The following MICB variants were observed in gnomAD, a reference collection of about 807,000 sequenced individuals.
The protein encoded by MICB is MHC class I antigen-related protein B.
MICB carries 27 observed loss-of-function variants against 34.3 expected under a neutral mutation model. That is an observed-to-expected ratio of 0.79 (90% CI 0.58 to 1.08). MICB has a LOEUF of 1.08. Among genes scored for constraint, MICB ranks in the 50% least tolerant of loss-of-function variants. The probability of loss-of-function intolerance (pLI) is 0.00; values close to 1 mark genes in which losing one functional copy is unlikely to be tolerated. For synonymous variants in MICB, 153 were observed against 187.4 expected (o/e 0.82, Z 1.50); for missense variants, 426 against 483.1 (o/e 0.88, Z 1.11).
chr6:31,498,103 G>C (rs1764767177), upstream of MICB: 2 of 1,066,852 alleles, frequency 1.9e-6, no homozygotes, highest in Non-Finnish European at 2.7e-6. Flanking sequence ...GCTGAGCGGG[G>C]CGCAGGTGAC....
At position 31,510,159 on chromosome 6, in the gene MICB, G is replaced by A; in HGVS notation, c.*250G>A. ...AGCAAATTGTTTATCATGAATGCAG[G>A]ATGTGGGCAAACTCACGACTGCTCC... On this transcript the variant is annotated 3_prime_UTR_variant, in exon 6 of 6. Coordinates refer to ENST00000252229, the MANE Select transcript of MICB (RefSeq NM_005931.5). The A allele has an allele frequency of 2.6e-6, 1 of 389,880 alleles. No individual in the cohort carries two copies. Among genetic ancestry groups the A allele is most frequent in the East Asian group, 4.2e-5 (1 of 23,642 alleles). The allele number at this position is 389,880 out of a possible 1,614,324, so 24.2% of individuals were successfully genotyped here. A position where few individuals can be genotyped will look rare whatever the true frequency, so the allele number is the denominator to read the frequency against.
rs1765576558 is a variant in MICB at position 31,509,923 on chromosome 6, G to A, written c.*14G>A. ...GAGGGCACCTAGACTCTACAGCCAG[G>A]CGGCCAGGATTCAACTCCCTGCCTG... On this transcript the variant is annotated 3_prime_UTR_variant, in exon 6 of 6. Coordinates refer to ENST00000252229, the MANE Select transcript of MICB (RefSeq NM_005931.5). The A allele has an allele frequency of 6.3e-7, 1 of 1,587,382 alleles. No individual in the cohort carries two copies. The highest frequency in any genetic ancestry group is 8.6e-7 in the Non-Finnish European group (1 of 1,166,686).
At chr6:31,509,051 G>A (rs1049792177) in intron 5 of MICB, among the ~76,000 whole-genome samples, 2 of 152,166 alleles carry the variant, frequency 1.3e-5, no homozygotes, top group Non-Finnish European at 2.9e-5. Flanking sequence ...GAGCAGGAAG[G>A]CCTCACAGCC....
intron 3 of MICB, 30 bp from the exon 4 acceptor site, chr6:31,506,992 G>A: frequency 6.3e-7 from 1 of 1,599,458 alleles, no homozygotes. Flanking sequence ...GGGGAGCAGG[G>A]CTTCACTGGC....
At chr6:31,506,587 G>A (rs1765344549) in intron 3 of MICB, among the ~76,000 whole-genome samples, 157 bp downstream of exon 3, 1 of 152,218 alleles carries the variant, frequency 6.6e-6, no homozygotes, top group African/African-American at 2.4e-5. Flanking sequence ...AGAGCCATTG[G>A]ATAAAGACAG....
intron 1 of MICB, 25 bp downstream of exon 1, chr6:31,498,288 C>G (rs749544846): frequency 6.5e-5 from 100 of 1,526,950 alleles, no homozygotes; most frequent in Non-Finnish European, 8.0e-5. Flanking sequence ...TGGCGGTCCC[C>G]GGCGGAGCGG....
At chr6:31,505,030 G>A (rs2534656) in intron 1 of MICB, among the ~76,000 whole-genome samples, 61,327 of 149,506 alleles carry the variant, frequency 0.41, 12,366 homozygotes, top group East Asian at 0.7. Context: ...TTCCACTTTG[G>A]ACCCAAGCCC....
upstream of MICB, among the ~76,000 whole-genome samples, chr6:31,496,234 T>C (rs1031166217): frequency 4.6e-4 from 70 of 152,340 alleles, no homozygotes; most frequent in African/African-American, 1.6e-3. Flanking sequence ...ATTCTTATTA[T>C]TGAGAATTGA....
chr6:31,495,235 A>T (rs973160550), upstream of MICB, among the ~76,000 whole-genome samples: 1 of 152,176 alleles, frequency 6.6e-6, no homozygotes, highest in East Asian at 1.9e-4. Context: ...ACAAACCTTA[A>T]ATATTCATTA....
intron 3 of MICB, 100 bp downstream of exon 3, chr6:31,506,530 C>A: frequency 2.3e-6 from 3 of 1,305,078 alleles, no homozygotes; most frequent in African/African-American, 1.5e-5. Context: ...GCTATGGATG[C>A]AGGCGTTTCC....
chr6:31,498,983 G>A (rs1393745669), intron 1 of MICB, among the ~76,000 whole-genome samples: 1 of 150,522 alleles, frequency 6.6e-6, no homozygotes, highest in Non-Finnish European at 1.5e-5. Flanking sequence ...TGCTGGGGGC[G>A]GATCTCAGGT....
chr6:31,496,186 G>A (rs2534678), upstream of MICB, among the ~76,000 whole-genome samples: 1 of 146,020 alleles, frequency 6.8e-6, no homozygotes, highest in Non-Finnish European at 1.5e-5. Flanking sequence ...GTGCGCTGGG[G>A]ACAAGCCAAT....
intron 1 of MICB, among the ~76,000 whole-genome samples, chr6:31,504,098 T>A (rs1765151617): frequency 6.6e-6 from 1 of 151,906 alleles, no homozygotes; most frequent in African/African-American, 2.4e-5. Context: ...TGATCATTTG[T>A]ATATTTTCTT....
upstream of MICB, chr6:31,498,083 A>G: frequency 1.2e-6 from 1 of 812,928 alleles, no homozygotes; most frequent in Non-Finnish European, 1.8e-6. Flanking sequence ...TTTTCACTGG[A>G]TAAGCGGTCG....
At chr6:31,509,294 C>T (rs1765528773) in intron 5 of MICB, among the ~76,000 whole-genome samples, 3 of 152,198 alleles carry the variant, frequency 2.0e-5, no homozygotes, top group Non-Finnish European at 4.4e-5. Flanking sequence ...CTGATGGGGT[C>T]CCCAGTTAGG....
At chr6:31,502,914 C>A (rs1765087259) in intron 1 of MICB, among the ~76,000 whole-genome samples, 1 of 152,116 alleles carries the variant, frequency 6.6e-6, no homozygotes, top group Non-Finnish European at 1.5e-5. Context: ...GAGGTCTGTT[C>A]CTTGTATACT....
intron 1 of MICB, among the ~76,000 whole-genome samples, chr6:31,504,252 T>C (rs1365683121): frequency 1.0e-5 from 1 of 99,116 alleles, no homozygotes; most frequent in Non-Finnish European, 2.0e-5. Flanking sequence ...CTCTCTCTTT[T>C]TCTTTTTTTT....
intron 5 of MICB, among the ~76,000 whole-genome samples, chr6:31,509,233 C>T (rs1355891333): frequency 6.6e-6 from 1 of 152,152 alleles, no homozygotes; most frequent in East Asian, 1.9e-4. Flanking sequence ...GGTGCAGATC[C>T]TGTGGCAGCC....
At chr6:31,505,523 C>G in intron 1 of MICB, 94 bp from the exon 2 acceptor site, 2 of 1,548,806 alleles carry the variant, frequency 1.3e-6, no homozygotes, top group Non-Finnish European at 1.7e-6. Context: ...TTTCCTGCCT[C>G]CTCAGGGAGG....
Sources: allele counts gnomAD v4.1 joint callset (sites outside exome capture counted in the v4.1 genomes callset), GRCh38; gene constraint gnomAD v4.1.1; transcripts MANE v1.5; gene names NCBI Gene and HGNC (gene_info 2026-07-23, HGNC 2026-07-21).